Variants in KANSL1 observed in about 807,000 individuals in gnomAD.
The protein encoded by KANSL1 is KAT8 regulatory NSL complex subunit 1.
In KANSL1, 22 loss-of-function variants were observed where a neutral mutation model predicts 103.6. That is an observed-to-expected ratio of 0.21 (90% confidence interval 0.15 to 0.30). The LOEUF is 0.30. Among genes scored for constraint, KANSL1 ranks in the 10% least tolerant of loss-of-function variants. The pLI is 1.00. For synonymous variants in KANSL1, 600 were observed against 527.6 expected, an observed-to-expected ratio of 1.14 and a Z score of -1.88; for missense variants, 1,337 against 1,399.8, an observed-to-expected ratio of 0.96 and a Z score of 0.72.
At chr17:46,109,369 G>A (rs538757451) in intron 2 of KANSL1, among the ~76,000 whole-genome samples, 1 of 152,254 alleles carries the variant, frequency 6.6e-6, no homozygotes, top group Non-Finnish European at 1.5e-5. Context: ...CAATTTCTAT[G>A]CTTTTGCAAA....
chr17:46,095,043 T>G (rs1201237025), intron 2 of KANSL1, among the ~76,000 whole-genome samples: 2 of 152,142 alleles, frequency 1.3e-5, no homozygotes, highest in Non-Finnish European at 2.9e-5. Context: ...GAAATCCAAC[T>G]GACACTAAGA....
chr17:46,141,118 G>C (rs980578566), intron 2 of KANSL1, among the ~76,000 whole-genome samples: 2 of 151,726 alleles, frequency 1.3e-5, no homozygotes, highest in African/African-American at 4.8e-5. Flanking sequence ...TAAAGTACTT[G>C]TATTTCTCTT....
chr17:46,059,665 G>GAGAGAGAA (rs1408717499), intron 6 of KANSL1, among the ~76,000 whole-genome samples: 1 of 143,282 alleles, frequency 7.0e-6, no homozygotes, highest in Non-Finnish European at 1.5e-5. Context: ...GAGAGAGAGA[G>GAGAGAGAA]AAAAGGAAAC....
At chr17:46,094,775 A>G in intron 2 of KANSL1, 74 bp from the exon 3 acceptor site, 2 of 1,577,060 alleles carry the variant, frequency 1.3e-6, no homozygotes, top group South Asian at 1.1e-5. Flanking sequence ...TGGGGAGTGG[A>G]ATTTAACTTT....
intron 2 of KANSL1, among the ~76,000 whole-genome samples, chr17:46,140,870 T>C (rs966272442): frequency 1.1e-4 from 16 of 152,134 alleles, no homozygotes; most frequent in African/African-American, 3.9e-4. Context: ...AAAAGACAAT[T>C]AGAAGCATTG....
chr17:46,146,488 T>C (rs1174880759), intron 2 of KANSL1, among the ~76,000 whole-genome samples: 2 of 152,118 alleles, frequency 1.3e-5, no homozygotes, highest in African/African-American at 4.8e-5. Flanking sequence ...TCCTGCAAGG[T>C]AGGGCTACCC....
chr17:46,116,429 C>T (rs2147149512), intron 2 of KANSL1, among the ~76,000 whole-genome samples: 1 of 152,304 alleles, frequency 6.6e-6, no homozygotes, highest in Non-Finnish European at 1.5e-5. Flanking sequence ...ACTAGGCATG[C>T]TGAGGCAGGA....
chr17:46,048,860 A>G (rs2077605087), intron 7 of KANSL1, among the ~76,000 whole-genome samples: 1 of 152,186 alleles, frequency 6.6e-6, no homozygotes, highest in Admixed American at 6.5e-5. Context: ...ATGTAAATAT[A>G]TTTAGCTTCA....
At chr17:46,156,937 T>C (rs1442905257) in intron 2 of KANSL1, 1 of 151,870 alleles carries the variant, frequency 6.6e-6, no homozygotes, top group Non-Finnish European at 1.5e-5. Context: ...AAATTACTCA[T>C]TGAAGACAGG....
At chr17:46,110,522 G>A (rs927399408) in intron 2 of KANSL1, among the ~76,000 whole-genome samples, 3 of 152,132 alleles carry the variant, frequency 2.0e-5, no homozygotes, top group African/African-American at 7.3e-5. Context: ...ACTTGACATA[G>A]GTGCTCTGGG....
chr17:46,110,115 T>C (rs2042738571), intron 2 of KANSL1, among the ~76,000 whole-genome samples: 1 of 152,218 alleles, frequency 6.6e-6, no homozygotes, highest in African/African-American at 2.4e-5. Context: ...AAAAGCTTTC[T>C]GGCAATACTC....
At chr17:46,200,820 T>C (rs188727015) in intron 1 of KANSL1, among the ~76,000 whole-genome samples, 1 of 152,262 alleles carries the variant, frequency 6.6e-6, no homozygotes, top group African/African-American at 2.4e-5. Context: ...AAAATCTTGT[T>C]CTGATGGCAT....
chr17:46,079,403 T>C (rs1022495294), intron 4 of KANSL1, among the ~76,000 whole-genome samples: 1 of 152,202 alleles, frequency 6.6e-6, no homozygotes, highest in Non-Finnish European at 1.5e-5. Flanking sequence ...TCTCCATAAA[T>C]TATTTAACTT....
At chr17:46,185,692 T>C (rs866688774) in intron 1 of KANSL1, among the ~76,000 whole-genome samples, 1,826 of 144,340 alleles carry the variant, frequency 0.013, 28 homozygotes, top group African/African-American at 0.036. Context: ...CACACATATA[T>C]ACACACACAC....
chr17:46,046,527 T>TC (rs2077511108), intron 7 of KANSL1, among the ~76,000 whole-genome samples: 4 of 15,896 alleles, frequency 2.5e-4, no homozygotes, highest in Non-Finnish European at 5.6e-4. Context: ...TGAGACTCTG[T>TC]CAAAAAAAAA....
chr17:46,080,801 C>T (rs1034033695), intron 4 of KANSL1, among the ~76,000 whole-genome samples: 9 of 131,190 alleles, frequency 6.9e-5, no homozygotes, highest in Non-Finnish European at 1.1e-4. Context: ...TTCACGAAAA[C>T]AGGGAAGGGG....
intron 8 of KANSL1, 56 bp downstream of exon 8, chr17:46,039,646 A>G (rs2077254532): frequency 6.4e-7 from 1 of 1,551,382 alleles, no homozygotes; most frequent in South Asian, 1.2e-5. Context: ...TGAGAATATA[A>G]AAGGAATGAA....
At chr17:46,153,706 C>A (rs1291021316) in intron 2 of KANSL1, among the ~76,000 whole-genome samples, 1 of 152,122 alleles carries the variant, frequency 6.6e-6, no homozygotes, top group Non-Finnish European at 1.5e-5. Flanking sequence ...AAGTCTGAGT[C>A]CCCTCATTCC....
chr17:46,200,066 C>CAA (rs201474670), intron 1 of KANSL1, among the ~76,000 whole-genome samples: 1 of 150,604 alleles, frequency 6.6e-6, no homozygotes, highest in African/African-American at 2.4e-5. Flanking sequence ...CACACACACA[C>CAA]CCTGATTATT....
Sources: gnomAD v4.1 joint callset for allele counts (sites outside exome capture counted in the v4.1 genomes callset) on GRCh38, gnomAD v4.1.1 for gene constraint, MANE v1.5 for transcripts, NCBI Gene and HGNC (gene_info 2026-07-23, HGNC 2026-07-21) for gene names.